The following CALM2 variants were observed in gnomAD, a reference collection of about 807,000 sequenced individuals.
CALM2 encodes calmodulin 2.
Under a neutral mutation model 19.8 loss-of-function variants are expected in CALM2, and 2 were observed. The observed-to-expected ratio is 0.10, with a 90% confidence interval of 0.04 to 0.32. CALM2 has a LOEUF of 0.32. CALM2 is among the 10% of genes least tolerant of loss of function. The pLI is 1.00. For missense variants in CALM2, 38 were observed against 178.7 expected, an observed-to-expected ratio of 0.21 and a Z score of 4.49; for synonymous variants, 51 against 52.1, an observed-to-expected ratio of 0.98 and a Z score of 0.09.
chr2:47,171,998 A>C (rs1666683672), intron 1 of CALM2: 1 of 151,814 alleles, frequency 6.6e-6, no homozygotes. Context: ...AAAAAAAAAA[A>C]AAAAAAGCTG....
Position 47,160,779 on chromosome 2 carries a change from C to T in CALM2, c.447G>A (p.Lys149=). The part of the protein sequence containing the change: ...YEEFVQMMTA[K] ...TAACACATTCTGTACAAGGTCTTCA[C>T]TTTGCTGTCATCATTTGTACAAACT... Residue 149 remains lysine (K), a synonymous_variant, in exon 6 of 6, where the codon AAG becomes AAA. Transcript: ENST00000272298. 1 of 1,491,832 alleles carries T rather than the reference C, an allele frequency of 6.7e-7. No homozygotes were observed. Among genetic ancestry groups the T allele is most frequent in the Non-Finnish European group, 9.0e-7 (1 of 1,111,224 alleles). The allele number at this position is 1,491,832 out of a possible 1,614,324, so 92.4% of individuals were successfully genotyped here. A position where few individuals can be genotyped will look rare whatever the true frequency, so the allele number is the denominator to read the frequency against.
At chr2:47,176,122 C>T in intron 1 of CALM2, 2 of 382,188 alleles carry the variant, frequency 5.2e-6, no homozygotes, top group South Asian at 7.3e-5. Context: ...CCTTCCTTCA[C>T]TTTCTCTCCT....
rs61085424 is a variant in CALM2 at position 47,164,347 on chromosome 2, AACACAC to A, written c.35-1691_35-1686del. Among the ~76,000 whole-genome samples, 1,010 of 139,854 alleles carry A rather than the reference AACACAC, an allele frequency of 7.2e-3. 12 individuals carry two copies. Among genetic ancestry groups the A allele is most frequent in the African/African-American group, 0.02 (760 of 37,728 alleles). The allele number at this position is 139,854 out of a possible 152,430, so 91.7% of individuals were successfully genotyped here. ...GCCTGTAGTCCCCCGTCTCTACTAA[AACACAC>A]ACACACACACACACACACACACACA... On this transcript the variant is annotated intron_variant, in intron 2 of 5. Transcript: ENST00000272298.
intron 4 of CALM2, among the ~76,000 whole-genome samples, 156 bp from the exon 5 acceptor site, chr2:47,162,014 A>T (rs548132869): frequency 6.6e-6 from 1 of 152,264 alleles, no homozygotes; most frequent in South Asian, 2.1e-4. Flanking sequence ...TGTCATTAAG[A>T]GCCAAGCAAA....
chr2:47,176,547 C>T (rs540550094), upstream of CALM2: 18 of 1,562,224 alleles, frequency 1.2e-5, no homozygotes, highest in South Asian at 7.0e-5. Context: ...CTCATAAACA[C>T]CTCCCTCCGC....
At chr2:47,160,901 C>CT (rs1210409976) in intron 5 of CALM2, 97 bp from the exon 6 acceptor site, 37 of 644,544 alleles carry the variant, frequency 5.7e-5, no homozygotes, top group Middle Eastern at 8.8e-4. Context: ...ACTGAGTACT[C>CT]TTTCCATTCC....
intron 5 of CALM2, among the ~76,000 whole-genome samples, 186 bp downstream of exon 5, chr2:47,161,537 T>G (rs571239564): frequency 1.3e-5 from 2 of 152,296 alleles, no homozygotes; most frequent in Non-Finnish European, 2.9e-5. Context: ...AATTAAGTTC[T>G]CAAGTCAGAG....
chr2:47,170,933 G>A, intron 1 of CALM2, 169 bp from the exon 2 acceptor site: 1 of 629,486 alleles, frequency 1.6e-6, no homozygotes, highest in Non-Finnish European at 2.9e-6. Context: ...TATCTTCAAA[G>A]CTAAGCTGTC....
chr2:47,171,393 GC>G (rs1666662259), intron 1 of CALM2: 3 of 152,378 alleles, frequency 2.0e-5, no homozygotes, highest in Admixed American at 2.0e-4. Context: ...TCTGCCATTT[GC>G]TAAAACCCAT....
intron 2 of CALM2, among the ~76,000 whole-genome samples, chr2:47,165,072 C>G (rs1225560617): frequency 6.6e-6 from 1 of 152,182 alleles, no homozygotes; most frequent in Admixed American, 6.5e-5. Context: ...CTACTCATAC[C>G]AATTTCCTCT....
At chr2:47,171,534 C>A (rs948089541) in intron 1 of CALM2, 8 of 152,168 alleles carry the variant, frequency 5.3e-5, no homozygotes, top group African/African-American at 1.9e-4. Flanking sequence ...AAAGATAAAG[C>A]ACTAAGGTGT....
At chr2:47,175,985 A>C (rs1311503693) in intron 1 of CALM2, among the ~76,000 whole-genome samples, 1 of 151,820 alleles carries the variant, frequency 6.6e-6, no homozygotes, top group East Asian at 1.9e-4. Context: ...CCCTGGGCGC[A>C]TGGCGGCCGC....
In CALM2 at chr2:47,176,421, C is replaced by A. The variant is rs1312760543; in HGVS notation, c.3+20G>T. 11 of 1,612,732 alleles carry A rather than the reference C, an allele frequency of 6.8e-6. No individual in the cohort carries two copies. Among genetic ancestry groups the A allele is most frequent in the Non-Finnish European group, 9.3e-6 (11 of 1,179,870 alleles). On this transcript the variant is annotated intron_variant, in intron 1 of 5. Coordinates refer to ENST00000272298, the MANE Select transcript of CALM2 (RefSeq NM_001743.6). ...CTTCCCCCCACAGGCCCAGCGCCGG[C>A]AGCTCAGCGATGCACTCACCATGCT... is the stretch of plus-strand genomic sequence containing the variant.
intron 1 of CALM2, chr2:47,172,812 G>A (rs1382747310): frequency 2.4e-4 from 2 of 8,356 alleles, no homozygotes; most frequent in African/African-American, 4.6e-4. Context: ...TGGGTTGGGG[G>A]GGGGGGGGGG....
intron 1 of CALM2, chr2:47,172,811 G>C (rs1182506066): frequency 2.2e-4 from 1 of 4,634 alleles, no homozygotes; most frequent in African/African-American, 3.8e-4. Flanking sequence ...ATGGGTTGGG[G>C]GGGGGGGGGG....
chr2:47,162,195 A>C, intron 4 of CALM2, 91 bp downstream of exon 4: 1 of 512,494 alleles, frequency 2.0e-6, no homozygotes, highest in East Asian at 4.2e-5. Flanking sequence ...AAAAAAAAAA[A>C]AAAAACAACC....
At chr2:47,176,149 G>T (rs1573235432) in intron 1 of CALM2, 1 of 461,390 alleles carries the variant, frequency 2.2e-6, no homozygotes, top group East Asian at 3.4e-5. Context: ...GCACTGGGCT[G>T]TCCCTCATCC....
At chr2:47,168,806 C>G (rs1209483775) in intron 2 of CALM2, among the ~76,000 whole-genome samples, 1 of 150,554 alleles carries the variant, frequency 6.6e-6, no homozygotes, top group East Asian at 1.9e-4. Flanking sequence ...GAGGCAAAGT[C>G]TCGCTCTGTT....
chr2:47,171,175 T>TAAA (rs10700263), intron 1 of CALM2: 2 of 146,746 alleles, frequency 1.4e-5, no homozygotes, highest in South Asian at 2.0e-4. Context: ...TTAAAGTGAT[T>TAAA]AAAAAAAAAA....
Sources: allele counts gnomAD v4.1 joint callset (sites outside exome capture counted in the v4.1 genomes callset), GRCh38; gene constraint gnomAD v4.1.1; transcripts MANE v1.5; gene names NCBI Gene and HGNC (gene_info 2026-07-23, HGNC 2026-07-21).